RNF157: variants seen among roughly 807,000 people sequenced by gnomAD.
RNF157 encodes the protein E3 ubiquitin ligase RNF157.
In RNF157, 55 loss-of-function variants were observed where a neutral mutation model predicts 88.3. The ratio of observed to expected loss-of-function variants is 0.62; its 90% CI spans 0.50 to 0.78. The LOEUF is 0.78. Ranked by LOEUF, RNF157 falls within the 30% of genes least tolerant of loss-of-function variation. RNF157 has a pLI of 0.00. For missense variants in RNF157, 788 were observed against 860.8 expected (o/e 0.92, Z 1.06); for synonymous variants, 334 against 341.2 (o/e 0.98, Z 0.23).
chr17:76,180,784 C>G (rs947618276), intron 2 of RNF157, among the ~76,000 whole-genome samples: 16 of 152,086 alleles, frequency 1.1e-4, no homozygotes, highest in African/African-American at 3.4e-4. Context: ...CAATCATATT[C>G]AAGTATACAG....
At chr17:76,192,513 G>A (rs1342679676) in intron 2 of RNF157, among the ~76,000 whole-genome samples, 1 of 152,142 alleles carries the variant, frequency 6.6e-6, no homozygotes, top group African/African-American at 2.4e-5. Flanking sequence ...TCTGTAGAAT[G>A]AATACACGAA....
chr17:76,148,399 T>C (rs2068619873), intron 18 of RNF157, among the ~76,000 whole-genome samples: 1 of 151,514 alleles, frequency 6.6e-6, no homozygotes, highest in East Asian at 1.9e-4. Flanking sequence ...CCTGAGTAGC[T>C]GGGACTACAG....
intron 14 of RNF157, 47 bp from the exon 15 acceptor site, chr17:76,155,781 C>A (rs1314052846): frequency 6.9e-7 from 1 of 1,444,298 alleles, no homozygotes; most frequent in Non-Finnish European, 9.2e-7. Context: ...TCAGGCAGGG[C>A]TTCTGCAAGC....
intron 2 of RNF157, among the ~76,000 whole-genome samples, chr17:76,175,974 C>A (rs1205816034): frequency 6.6e-6 from 1 of 152,190 alleles, no homozygotes; most frequent in Non-Finnish European, 1.5e-5. Flanking sequence ...AAATCCACCC[C>A]TATACTTTAG....
chr17:76,175,658 A>T (rs981394357), intron 2 of RNF157: 1 of 577,640 alleles, frequency 1.7e-6, no homozygotes. Flanking sequence ...AGCCAAAATA[A>T]ATGACTTTGG....
chr17:76,146,987 C>G lies in RNF157; in HGVS notation c.1922-1634G>C, dbSNP rs1039056194. 7.1e-6 allele frequency: 7 copies of G among 985,274 alleles called. No homozygotes were observed. Among genetic ancestry groups the G allele is most frequent in the Non-Finnish European group, 8.4e-6 (7 of 829,918 alleles). The allele number at this position is 985,274 out of a possible 1,614,324, so 61.0% of individuals were successfully genotyped here. A position where few individuals can be genotyped will look rare whatever the true frequency, so the allele number is the denominator to read the frequency against. On this transcript the variant is annotated intron_variant, in intron 18 of 18. Coordinates refer to ENST00000269391, the MANE Select transcript of RNF157 (RefSeq NM_052916.3). The surrounding 1 kb of genome is among the most constrained non-coding windows in gnomAD (Gnocchi z 4.2). Reference sequence around the variant, plus strand: ...TTGGTGTGCTAATCCACCTCAGGCTCTAGTAACAGTCTCTGGTGCTTGACC... The same window carrying G: ...TTGGTGTGCTAATCCACCTCAGGCTGTAGTAACAGTCTCTGGTGCTTGACC...
chr17:76,239,938 C>G (rs1166544782), intron 1 of RNF157, among the ~76,000 whole-genome samples: 1 of 152,166 alleles, frequency 6.6e-6, no homozygotes, highest in African/African-American at 2.4e-5. Flanking sequence ...CCTCGGTGAC[C>G]CTGCTAGACC....
At chr17:76,182,113 C>T (rs143174729) in intron 2 of RNF157, among the ~76,000 whole-genome samples, 1 of 152,138 alleles carries the variant, frequency 6.6e-6, no homozygotes, top group East Asian at 1.9e-4. Flanking sequence ...ATACAACATC[C>T]TCCTGGGACT....
chr17:76,156,602 G>A, intron 13 of RNF157: 1 of 843,450 alleles, frequency 1.2e-6, no homozygotes. Context: ...GGGTGACACA[G>A]GTCACCCTGC....
At position 76,195,713 on chromosome 17, in the gene RNF157, G is replaced by C. The variant is rs753485700; in HGVS notation, c.207+16651C>G. On this transcript the variant is annotated intron_variant, in intron 2 of 18. Transcript: ENST00000269391. The surrounding 1 kb of genome is among the most constrained non-coding windows in gnomAD (Gnocchi z 4.4). ...TGGAAATGAACCGTACACAGCACAG[G>C]AATAGTTTGTTCCTTCTCGTTGCTG... Among the ~76,000 whole-genome samples the C allele has an allele frequency of 6.6e-6, 1 of 152,214 alleles. No homozygotes were observed. Among genetic ancestry groups the C allele is most frequent in the Non-Finnish European group, 1.5e-5 (1 of 68,046 alleles).
chr17:76,173,121 T>C (rs959500605), intron 3 of RNF157, among the ~76,000 whole-genome samples: 2 of 151,724 alleles, frequency 1.3e-5, no homozygotes, highest in African/African-American at 2.4e-5. Context: ...CCCGTCTCTA[T>C]TAAAAATACA....
intron 18 of RNF157, among the ~76,000 whole-genome samples, chr17:76,148,410 G>A (rs1045266460): frequency 6.6e-6 from 1 of 151,830 alleles, no homozygotes; most frequent in African/African-American, 2.4e-5. Context: ...GGGACTACAG[G>A]CACTCGCCAC....
intron 18 of RNF157, among the ~76,000 whole-genome samples, chr17:76,147,794 A>G (rs988951015): frequency 1.3e-5 from 2 of 152,226 alleles, no homozygotes; most frequent in African/African-American, 4.8e-5. Flanking sequence ...GTCTGGCTGA[A>G]TCCAGGCCCC....
At position 76,176,937 on chromosome 17, in the gene RNF157, G is replaced by A. The variant is rs1194089487; in HGVS notation, c.208-3147C>T. ...GTGCCAGGTTCCTGTGCCTCGGGAG[G>A]AGGTTCTGCGCAGCCCGTCTGGGGC... On this transcript the variant is annotated intron_variant, in intron 2 of 18. Transcript: ENST00000269391. The surrounding 1 kb of genome is among the most constrained non-coding windows in gnomAD (Gnocchi z 4.2). Among the ~76,000 whole-genome samples, 1 of 152,098 alleles carries A rather than the reference G, an allele frequency of 6.6e-6. No individual in the cohort carries two copies. The highest frequency in any genetic ancestry group is 6.5e-5 in the Admixed American group (1 of 15,288).
In RNF157 at chr17:76,162,561, T is replaced by C; in HGVS notation, c.783A>G (p.Gln261=). ...IYGIENKYNT[Q]DSKVAEDEVS... The stretch of plus-strand genomic sequence containing the variant: ...TTTGGGTAAAACTTACCTTAGAATC[T>C]TGTGTGTTGTACTTGTTTTCAATTC... The change falls in exon 9 of 19, where the codon CAA becomes CAG. Residue 261 remains glutamine, a synonymous_variant. Coordinates refer to ENST00000269391, the MANE Select transcript of RNF157 (RefSeq NM_052916.3). 2 of 1,612,762 alleles carry C rather than the reference T, an allele frequency of 1.2e-6. No individual in the cohort carries two copies. The highest frequency in any genetic ancestry group is 1.7e-6 in the Non-Finnish European group (2 of 1,179,116).
rs754858020 is a variant in RNF157 at position 76,155,729 on chromosome 17, C to T, written c.1531G>A (p.Ala511Thr). The T allele has an allele frequency of 6.4e-7, 1 of 1,567,606 alleles. No homozygotes were observed. Among genetic ancestry groups the T allele is most frequent in the Non-Finnish European group, 8.6e-7 (1 of 1,156,842 alleles). ...ACAGACTGGGCCAAGCTGCTGCTGG[C>T]AGGGCCTTTGGAGACAGGGGATGGG... is the stretch of plus-strand genomic sequence containing the variant. ...SSTISSPEGP[A>T]SSSLAQSVMS... Residue 511 changes from alanine to threonine, a missense_variant, in exon 15 of 19, where the codon GCC becomes ACC. By Grantham distance (58) the Ala-to-Thr change is moderately conservative. Transcript: ENST00000269391.
chr17:76,174,728 A>C (rs1011801382), intron 2 of RNF157, among the ~76,000 whole-genome samples: 2 of 152,246 alleles, frequency 1.3e-5, no homozygotes, highest in Non-Finnish European at 2.9e-5. Flanking sequence ...GTTTTTATTG[A>C]ATATGGTTAT....
intron 2 of RNF157, among the ~76,000 whole-genome samples, chr17:76,206,317 T>C (rs1056224405): frequency 6.6e-5 from 10 of 152,006 alleles, no homozygotes; most frequent in African/African-American, 2.4e-4. Flanking sequence ...GCAGTAATTA[T>C]CCCAACAAAA....
intron 1 of RNF157, among the ~76,000 whole-genome samples, chr17:76,220,386 A>T (rs1005366389): frequency 1.4e-4 from 4 of 29,572 alleles, no homozygotes; most frequent in African/African-American, 1.3e-3. Flanking sequence ...AATGATATCT[A>T]AAAAAAAAAA....
Sources: allele counts gnomAD v4.1 joint callset (sites outside exome capture counted in the v4.1 genomes callset), GRCh38; gene constraint gnomAD v4.1.1; non-coding constraint Gnocchi (gnomAD v3.1); transcripts MANE v1.5; gene names NCBI Gene and HGNC (gene_info 2026-07-23, HGNC 2026-07-21).